The following EMID1 variants were observed in gnomAD, a reference collection of about 807,000 sequenced individuals.
EMID1 encodes the protein EMI domain-containing protein 1.
A neutral mutation model predicts 60.6 loss-of-function variants in EMID1; 40 were observed. The ratio of observed to expected loss-of-function variants is 0.66; its 90% CI spans 0.51 to 0.86. The LOEUF (loss-of-function observed/expected upper bound fraction) is 0.86. Among genes scored for constraint, EMID1 ranks in the 40% least tolerant of loss-of-function variants. EMID1 has a pLI of 0.00. For synonymous variants in EMID1, 242 were observed against 231.0 expected (o/e 1.05, Z -0.43); for missense variants, 585 against 597.1 (o/e 0.98, Z 0.21).
intron 7 of EMID1, chr22:29,232,019 T>C: frequency 1.7e-6 from 1 of 589,960 alleles, no homozygotes; most frequent in Non-Finnish European, 3.0e-6. Context: ...GTGACCAGGG[T>C]TTCTATGAGG....
intron 12 of EMID1, among the ~76,000 whole-genome samples, chr22:29,236,342 T>C (rs960853117): frequency 6.6e-6 from 1 of 152,194 alleles, no homozygotes; most frequent in Non-Finnish European, 1.5e-5. Context: ...GTGACAGTTA[T>C]AATTGCTTTA....
chr22:29,233,514 G>A (rs1460897402), intron 9 of EMID1, 46 bp downstream of exon 9: 1 of 1,609,424 alleles, frequency 6.2e-7, no homozygotes, highest in Admixed American at 1.7e-5. Context: ...TTGGTAGATG[G>A]CAGAGGGAAT....
At chr22:29,216,256 G>A in intron 3 of EMID1, 1 of 973,956 alleles carries the variant, frequency 1.0e-6, no homozygotes, top group East Asian at 1.1e-4. Flanking sequence ...GGGCACAGAG[G>A]AGGCAGCCTG....
chr22:29,217,949 C>T (rs916048037), intron 3 of EMID1, among the ~76,000 whole-genome samples: 1 of 152,196 alleles, frequency 6.6e-6, no homozygotes, highest in Non-Finnish European at 1.5e-5. Flanking sequence ...CCAACAGGAC[C>T]CAGGGCAGCC....
chr22:29,232,817 G>A (rs3765300), intron 8 of EMID1: 22,125 of 186,878 alleles, frequency 0.12, 1,568 homozygotes, highest in East Asian at 0.23. Context: ...AGGCCCTGAC[G>A]TGCGTCCTTG....
chr22:29,214,832 G>A, intron 1 of EMID1, 94 bp from the exon 2 acceptor site: 1 of 875,798 alleles, frequency 1.1e-6, no homozygotes, highest in African/African-American at 1.7e-5. Flanking sequence ...CAGGGCTCTT[G>A]AAGAGAACAC....
chr22:29,233,651 G>A lies in EMID1; in HGVS notation c.951G>A (p.Gly317=). Residue 317 remains glycine, a synonymous_variant, in exon 10 of 15, where the codon GGG becomes GGA. Coordinates refer to ENST00000334018, the MANE Select transcript of EMID1 (RefSeq NM_133455.4). ...CTCCTGGCCCCACAGGTGTCCCTGG[G>A]AGTCCTGGTCACATAGTGAGTAGTT... ...PGPPGPTGVP[G]SPGHIGPPGP... The A allele has an allele frequency of 6.2e-7, 1 of 1,613,968 alleles. No individual in the cohort carries two copies. The highest frequency in any genetic ancestry group is 8.5e-7 in the Non-Finnish European group (1 of 1,179,876).
At position 29,215,403 on chromosome 22, in the gene EMID1, C is replaced by A. The variant is rs1601909258; in HGVS notation, c.216-124C>A. ...AATCCCAAAATGCAGGAGAGAGCCT[C>A]CAAAGGGACCTGGAGGCAGCAGAGG... is the stretch of plus-strand genomic sequence containing the variant. On this transcript the variant is annotated intron_variant, in intron 2 of 14. Transcript: ENST00000334018. The A allele has an allele frequency of 2.4e-6, 3 of 1,271,056 alleles. No homozygotes were observed. The East Asian group carries it at 7.5e-5, about 32-fold the overall frequency. 78.7% of individuals were successfully genotyped at this position (1,271,056 alleles called of 1,614,324 possible).
chr22:29,206,904 A>G (rs762287298), intron 1 of EMID1, among the ~76,000 whole-genome samples: 4 of 152,228 alleles, frequency 2.6e-5, no homozygotes, highest in Non-Finnish European at 5.9e-5. Context: ...CTGAAGAGCT[A>G]GGTTGCAAAT....
At chr22:29,236,762 C>T (rs965852240) in intron 12 of EMID1, among the ~76,000 whole-genome samples, 2 of 151,858 alleles carry the variant, frequency 1.3e-5, no homozygotes, top group African/African-American at 4.8e-5. Context: ...GTTGGGTTAA[C>T]AGCTACCATA....
At chr22:29,249,594 AT>A (rs1233982877) in intron 13 of EMID1, among the ~76,000 whole-genome samples, 49 of 63,006 alleles carry the variant, frequency 7.8e-4, no homozygotes, top group African/African-American at 1.7e-3. Flanking sequence ...TTTATTATTT[AT>A]TTATTTATTT....
intron 14 of EMID1, among the ~76,000 whole-genome samples, chr22:29,258,148 T>C (rs1016443665): frequency 1.3e-5 from 2 of 152,170 alleles, no homozygotes; most frequent in Non-Finnish European, 2.9e-5. Context: ...CATCTCCCCC[T>C]AGAAAAACAG....
At chr22:29,245,141 C>T (rs2041286381) in intron 13 of EMID1, among the ~76,000 whole-genome samples, 2 of 152,150 alleles carry the variant, frequency 1.3e-5, no homozygotes, top group East Asian at 3.8e-4. Flanking sequence ...GTTAGCCTCT[C>T]CTGGCCCCTG....
At chr22:29,230,962 A>G (rs1240358291) in intron 5 of EMID1, 58 bp from the exon 6 acceptor site, 4 of 1,556,246 alleles carry the variant, frequency 2.6e-6, no homozygotes, top group African/African-American at 1.4e-5. Flanking sequence ...CTCAAAAAAA[A>G]TAGGGAGGGG....
intron 14 of EMID1, among the ~76,000 whole-genome samples, chr22:29,256,069 C>T (rs1230587871): frequency 6.6e-6 from 1 of 152,092 alleles, no homozygotes; most frequent in African/African-American, 2.4e-5. Context: ...GGATTGGCCA[C>T]CCGAGGGGCT....
chr22:29,231,893 C>T, intron 7 of EMID1: 1 of 566,930 alleles, frequency 1.8e-6, no homozygotes, highest in Non-Finnish European at 3.1e-6. Flanking sequence ...GGCACCTACA[C>T]TTATCAGGCT....
chr22:29,222,309 G>A (rs1481950294), intron 3 of EMID1, among the ~76,000 whole-genome samples: 1 of 151,824 alleles, frequency 6.6e-6, no homozygotes, highest in Non-Finnish European at 1.5e-5. Flanking sequence ...ACCCAGGCTG[G>A]TGTCAAACTC....
Position 29,232,280 on chromosome 22 carries a change from C to A in EMID1, c.701C>A (p.Pro234His). The A allele has an allele frequency of 6.2e-7, 1 of 1,611,548 alleles. No individual in the cohort carries two copies. Among genetic ancestry groups the A allele is most frequent in the Non-Finnish European group, 8.5e-7 (1 of 1,179,770 alleles). The change falls in exon 8 of 15, where the codon CCT (proline) becomes CAT (histidine). Residue 234 changes from proline (P) to histidine (H), a missense_variant. By Grantham distance (77) the Pro-to-His change is moderately conservative. Coordinates refer to ENST00000334018, the MANE Select transcript of EMID1 (RefSeq NM_133455.4). The stretch of plus-strand genomic sequence containing the variant: ...GGTCCACAGGGCCCCCCAGGGAGCC[C>A]TGGCCGGGCTGGAGCTGTGGGCACC... Reference protein sequence around the residue: ...PPGPQGPPGSPGRAGAVGTPG... With the variant: ...PPGPQGPPGSHGRAGAVGTPG...
intron 14 of EMID1, among the ~76,000 whole-genome samples, chr22:29,257,295 G>C (rs111595518): frequency 3.4e-4 from 52 of 152,276 alleles, no homozygotes; most frequent in Non-Finnish European, 6.6e-4. Context: ...ACCCAGATGG[G>C]GTTCATGTTT....
Sources: allele counts gnomAD v4.1 joint callset (sites outside exome capture counted in the v4.1 genomes callset), GRCh38; gene constraint gnomAD v4.1.1; transcripts MANE v1.5; gene names NCBI Gene and HGNC (gene_info 2026-07-23, HGNC 2026-07-21).